PPP2R2B: variants seen among roughly 807,000 people sequenced by gnomAD.
PPP2R2B encodes the protein protein phosphatase 2 regulatory subunit Bbeta, also known as serine/threonine-protein phosphatase 2A 55 kDa regulatory subunit B beta isoform.
PPP2R2B carries 5 observed loss-of-function variants against 46.0 expected under a neutral mutation model. That is an observed-to-expected ratio of 0.11 (90% CI 0.06 to 0.23). The LOEUF (loss-of-function observed/expected upper bound fraction) is 0.23, where lower values mean the gene tolerates loss of function less well. Among genes scored for constraint, PPP2R2B ranks in the 10% least tolerant of loss-of-function variants. PPP2R2B has a pLI of 1.00. For missense variants in PPP2R2B, 367 were observed against 575.0 expected, an observed-to-expected ratio of 0.64 and a Z score of 3.70; for synonymous variants, 215 against 206.7, an observed-to-expected ratio of 1.04 and a Z score of -0.34.
At chr5:147,021,790 T>C (rs532724278) in intron 1 of PPP2R2B, among the ~76,000 whole-genome samples, 1 of 152,278 alleles carries the variant, frequency 6.6e-6, no homozygotes, top group Non-Finnish European at 1.5e-5. Flanking sequence ...ATATTCAGCA[T>C]CATATAAAAA....
At chr5:146,744,471 G>C (rs998425173) in intron 2 of PPP2R2B, among the ~76,000 whole-genome samples, 3 of 152,186 alleles carry the variant, frequency 2.0e-5, no homozygotes, top group Non-Finnish European at 4.4e-5. Context: ...CAACACACAG[G>C]CTGGGACTGA....
chr5:147,036,697 A>G (rs1756054800), intron 1 of PPP2R2B, among the ~76,000 whole-genome samples: 3 of 152,158 alleles, frequency 2.0e-5, no homozygotes, highest in Admixed American at 2.0e-4. Context: ...TGACTTTTTA[A>G]TAATAGCCAT....
Position 146,629,197 on chromosome 5 carries a change from T to C in PPP2R2B, c.790+9054A>G, listed in dbSNP as rs568592194. Among the ~76,000 whole-genome samples, 7 of 152,356 alleles carry C rather than the reference T, an allele frequency of 4.6e-5. No individual in the cohort carries two copies. In the South Asian group the frequency reaches 1.5e-3, roughly 32 times the overall value. ...TAATTGTCTGCCAGACTTCTCTAAT[T>C]GGATGAATCACAGACATCTCAATCT... On this transcript the variant is annotated intron_variant, in intron 7 of 9. Transcript: ENST00000394411.
intron 2 of PPP2R2B, among the ~76,000 whole-genome samples, chr5:146,705,504 A>C (rs72652846): frequency 0.12 from 17,672 of 152,160 alleles, 1,264 homozygotes; most frequent in East Asian, 0.34. Context: ...AGAGGCTTCT[A>C]GCTAGACTGG....
At chr5:147,022,190 A>G (rs991703752) in intron 1 of PPP2R2B, among the ~76,000 whole-genome samples, 1 of 152,196 alleles carries the variant, frequency 6.6e-6, no homozygotes, top group Non-Finnish European at 1.5e-5. Context: ...CTATCAAGTC[A>G]TTGAACATAC....
At chr5:146,814,302 T>C (rs1757803470) in intron 2 of PPP2R2B, among the ~76,000 whole-genome samples, 1 of 152,124 alleles carries the variant, frequency 6.6e-6, no homozygotes. Flanking sequence ...TTTCTTCCCT[T>C]GTAGCTCTTC....
intron 2 of PPP2R2B, among the ~76,000 whole-genome samples, chr5:146,824,529 C>T (rs938811450): frequency 1.3e-5 from 2 of 152,042 alleles, no homozygotes; most frequent in Admixed American, 6.6e-5. Flanking sequence ...GTTGGCCATA[C>T]ATAGAATAGT....
intron 1 of PPP2R2B, among the ~76,000 whole-genome samples, chr5:146,884,208 C>G (rs1762255361): frequency 6.6e-6 from 1 of 151,580 alleles, no homozygotes; most frequent in Non-Finnish European, 1.5e-5. Context: ...TGCAAAGTCC[C>G]CTCCAATTTC....
chr5:146,737,717 C>T (rs1178387596), intron 2 of PPP2R2B, among the ~76,000 whole-genome samples: 6 of 152,080 alleles, frequency 3.9e-5, no homozygotes, highest in Non-Finnish European at 8.8e-5. Context: ...AAATGGGAAA[C>T]TCCAGTCAGG....
chr5:146,822,983 G>T (rs1171411691), intron 2 of PPP2R2B, among the ~76,000 whole-genome samples: 2 of 152,138 alleles, frequency 1.3e-5, no homozygotes, highest in South Asian at 2.1e-4. Flanking sequence ...GAGAAAAAAA[G>T]ACTTTTGTTT....
chr5:146,590,455 A>C (rs1271711169), intron 9 of PPP2R2B, among the ~76,000 whole-genome samples: 1 of 128,760 alleles, frequency 7.8e-6, no homozygotes, highest in Non-Finnish European at 1.6e-5. Context: ...CTGGGTTTGG[A>C]AATGAGGGAT....
chr5:146,707,552 G>A, intron 2 of PPP2R2B: 1 of 718,136 alleles, frequency 1.4e-6, no homozygotes, highest in Non-Finnish European at 2.5e-6. Flanking sequence ...GAAGGCCCGG[G>A]TGCCAGAGGT....
chr5:146,811,552 T>C (rs1405459176), intron 2 of PPP2R2B, among the ~76,000 whole-genome samples: 3 of 139,606 alleles, frequency 2.1e-5, no homozygotes, highest in Non-Finnish European at 4.5e-5. Flanking sequence ...TAGGATCAAC[T>C]ATGTATTTTT....
intron 5 of PPP2R2B, among the ~76,000 whole-genome samples, chr5:146,687,567 G>A (rs542609585): frequency 1.3e-5 from 2 of 152,234 alleles, no homozygotes; most frequent in South Asian, 4.2e-4. Flanking sequence ...TGAATCAAGG[G>A]ACTAGGTGAG....
At chr5:146,901,663 T>C (rs1439014339) in intron 1 of PPP2R2B, among the ~76,000 whole-genome samples, 2 of 152,082 alleles carry the variant, frequency 1.3e-5, no homozygotes, top group Non-Finnish European at 2.9e-5. Flanking sequence ...CATGAAGCTT[T>C]CAGTCTAGGA....
chr5:146,927,712 T>C (rs1763824734), intron 1 of PPP2R2B, among the ~76,000 whole-genome samples: 4 of 151,672 alleles, frequency 2.6e-5, no homozygotes, highest in Admixed American at 2.0e-4. Flanking sequence ...GATCAGAAGA[T>C]GAGACCTTGT....
At chr5:146,811,886 C>T (rs1757575486) in intron 2 of PPP2R2B, among the ~76,000 whole-genome samples, 1 of 151,932 alleles carries the variant, frequency 6.6e-6, no homozygotes, top group African/African-American at 2.4e-5. Context: ...TATGTATTAT[C>T]TGTCACTATC....
chr5:147,068,725 GAAT>G (rs1757486003), intron 2 of PPP2R2B, among the ~76,000 whole-genome samples: 1 of 152,176 alleles, frequency 6.6e-6, no homozygotes, highest in African/African-American at 2.4e-5. Context: ...AACCATGTGT[GAAT>G]AATAAGCTGT....
At chr5:146,842,233 A>T (rs1333783221) in intron 2 of PPP2R2B, among the ~76,000 whole-genome samples, 1 of 152,180 alleles carries the variant, frequency 6.6e-6, no homozygotes, top group Non-Finnish European at 1.5e-5. Context: ...ATGGGAATTC[A>T]TAGTCCAAAA....
Sources: allele counts gnomAD v4.1 joint callset (sites outside exome capture counted in the v4.1 genomes callset), GRCh38; gene constraint gnomAD v4.1.1; transcripts MANE v1.5; gene names NCBI Gene and HGNC (gene_info 2026-07-23, HGNC 2026-07-21).